SRPK2: variants seen among roughly 807,000 people sequenced by gnomAD.
SRPK2 encodes SRSF protein kinase 2.
In SRPK2, 21 loss-of-function variants were observed where a neutral mutation model predicts 90.8. The observed-to-expected ratio is 0.23, with a 90% confidence interval of 0.16 to 0.33. The LOEUF is 0.33. Among genes scored for constraint, SRPK2 ranks in the 10% least tolerant of loss-of-function variants. The pLI, the probability that SRPK2 is intolerant of heterozygous loss-of-function variation, is 1.00. For missense variants in SRPK2, 620 were observed against 869.0 expected, an observed-to-expected ratio of 0.71 and a Z score of 3.60; for synonymous variants, 288 against 311.1, an observed-to-expected ratio of 0.93 and a Z score of 0.78.
rs1048450198 is a variant in SRPK2, at chr7:105,367,795, T to C, written c.71+20853A>G. 3.5e-4 allele frequency among the ~76,000 whole-genome samples: 53 copies of C among 152,228 alleles called. 1 individual carries two copies. Among genetic ancestry groups the C allele is most frequent in the Non-Finnish European group, 6.9e-4 (47 of 68,040 alleles). ...CATGTTGGTAAATGATAAAACAGGCTAGCATCTACAAATATTTTAAGCATT... is the reference window on the plus strand; with the variant it reads ...CATGTTGGTAAATGATAAAACAGGCCAGCATCTACAAATATTTTAAGCATT... On this transcript the variant is annotated intron_variant, in intron 2 of 15. Coordinates refer to ENST00000393651, the MANE Select transcript of SRPK2 (RefSeq NM_182692.3).
At chr7:105,254,229 G>C (rs1802904387) in intron 2 of SRPK2, among the ~76,000 whole-genome samples, 1 of 152,156 alleles carries the variant, frequency 6.6e-6, no homozygotes, top group South Asian at 2.1e-4. Context: ...TTTTACTAGA[G>C]TAAAGACCTA....
chr7:105,392,705 C>G (rs1035458729), upstream of SRPK2, among the ~76,000 whole-genome samples: 38 of 151,878 alleles, frequency 2.5e-4, 1 homozygote. Flanking sequence ...ACCATGTTGG[C>G]CAGGCTGGTC....
chr7:105,161,176 T>G (rs1208265706), intron 6 of SRPK2, among the ~76,000 whole-genome samples: 2 of 152,252 alleles, frequency 1.3e-5, no homozygotes, highest in East Asian at 1.9e-4. Context: ...CCACCCGCCT[T>G]GGGCTCCCAA....
intron 2 of SRPK2, among the ~76,000 whole-genome samples, chr7:105,222,010 A>G (rs552098505): frequency 1.3e-5 from 2 of 152,312 alleles, no homozygotes; most frequent in East Asian, 3.9e-4. Flanking sequence ...ACACTGTAAA[A>G]TATCACTTTA....
chr7:105,201,182 A>T (rs1201667503), intron 3 of SRPK2, among the ~76,000 whole-genome samples: 3 of 152,240 alleles, frequency 2.0e-5, no homozygotes, highest in African/African-American at 7.2e-5. Context: ...CTCCCTGAAT[A>T]TGTATATGTC....
At chr7:105,229,288 C>A (rs988259976) in intron 2 of SRPK2, among the ~76,000 whole-genome samples, 1 of 152,038 alleles carries the variant, frequency 6.6e-6, no homozygotes, top group East Asian at 1.9e-4. Flanking sequence ...ACGGTGAAAC[C>A]CCATCTCTAA....
intron 2 of SRPK2, among the ~76,000 whole-genome samples, chr7:105,228,409 C>A (rs1230857886): frequency 6.6e-6 from 1 of 152,178 alleles, no homozygotes; most frequent in Non-Finnish European, 1.5e-5. Flanking sequence ...AGAGAAATTG[C>A]TGAAATTCCA....
rs1466223966 is a variant in SRPK2, at chr7:105,143,173, T to C, written c.971A>G (p.Asn324Ser). The change falls in exon 10 of 16, where the codon AAT (asparagine) becomes AGT (serine). Residue 324 changes from asparagine (N) to serine (S), a missense_variant. By Grantham distance (46) the Asn-to-Ser change is conservative. This residue lies in a region of SRPK2 where 243 missense variants were observed against 245.7 expected (regional missense o/e 0.99). Coordinates refer to ENST00000393651, the MANE Select transcript of SRPK2 (RefSeq NM_182692.3). ...EENITSAAPS[N>S]DQDGEYCPEV... The stretch of plus-strand genomic sequence containing the variant: ...TGGGCAGTATTCGCCATCCTGGTCA[T>C]TGGAAGGTGCAGCTGAGGTGATGTT... 3 of 1,614,136 alleles carry C rather than the reference T, an allele frequency of 1.9e-6. No individual in the cohort carries two copies. Among genetic ancestry groups the C allele is most frequent in the South Asian group, 2.2e-5 (2 of 91,090 alleles).
intron 2 of SRPK2, among the ~76,000 whole-genome samples, chr7:105,215,843 T>C (rs1009464576): frequency 2.0e-5 from 3 of 151,684 alleles, no homozygotes; most frequent in African/African-American, 7.3e-5. Flanking sequence ...GTACAGAAAA[T>C]AGGGGTGACT....
At chr7:105,119,880 A>T (rs186534944) in intron 15 of SRPK2, among the ~76,000 whole-genome samples, 3 of 152,360 alleles carry the variant, frequency 2.0e-5, no homozygotes, top group Admixed American at 6.5e-5. Context: ...GGTGGTTAAA[A>T]GAAAACCAAG....
At chr7:105,206,754 A>C (rs1796278986) in intron 2 of SRPK2, among the ~76,000 whole-genome samples, 2 of 152,208 alleles carry the variant, frequency 1.3e-5, no homozygotes, top group Non-Finnish European at 1.5e-5. Context: ...CTCAGTACCC[A>C]AAAAAGTAAA....
intron 2 of SRPK2, among the ~76,000 whole-genome samples, chr7:105,338,091 A>C (rs200192501): frequency 3.2e-5 from 4 of 123,566 alleles, no homozygotes; most frequent in African/African-American, 6.6e-5. Flanking sequence ...AAAAAAAAAA[A>C]AAACTTTTTC....
At chr7:105,385,762 T>C (rs1821504517) in intron 2 of SRPK2, among the ~76,000 whole-genome samples, 1 of 152,190 alleles carries the variant, frequency 6.6e-6, no homozygotes, top group Non-Finnish European at 1.5e-5. Context: ...TGTTACTTAC[T>C]TTTCCTGTGT....
At chr7:105,282,407 GA>G (rs1471635121) in intron 2 of SRPK2, among the ~76,000 whole-genome samples, 1 of 152,184 alleles carries the variant, frequency 6.6e-6, no homozygotes, top group African/African-American at 2.4e-5. Flanking sequence ...AACCTTAGAA[GA>G]GGCTACAGTT....
intron 2 of SRPK2, among the ~76,000 whole-genome samples, chr7:105,272,492 G>T (rs912127789): frequency 3.9e-5 from 6 of 151,990 alleles, no homozygotes; most frequent in Non-Finnish European, 5.9e-5. Flanking sequence ...ATTATAGGAG[G>T]ACATAAGTTT....
chr7:105,388,300 G>A (rs767412804), intron 2 of SRPK2, among the ~76,000 whole-genome samples: 9 of 151,222 alleles, frequency 6.0e-5, no homozygotes, highest in Non-Finnish European at 1.0e-4. Flanking sequence ...GGCCCCTTCC[G>A]GAAAGGGCCG....
At chr7:105,342,599 C>T (rs1481269347) in intron 2 of SRPK2, among the ~76,000 whole-genome samples, 1 of 152,082 alleles carries the variant, frequency 6.6e-6, no homozygotes, top group African/African-American at 2.4e-5. Flanking sequence ...GGTCTCACCT[C>T]CCAACACTCT....
chr7:105,367,462 C>T (rs1303514708), intron 2 of SRPK2, among the ~76,000 whole-genome samples: 4 of 151,928 alleles, frequency 2.6e-5, no homozygotes, highest in African/African-American at 7.3e-5. Context: ...GGGGTCTCAC[C>T]GTGTTGCCCA....
chr7:105,363,308 A>C (rs950307662), intron 2 of SRPK2, among the ~76,000 whole-genome samples: 1 of 152,298 alleles, frequency 6.6e-6, no homozygotes, highest in South Asian at 2.1e-4. Context: ...CAGAATCTAC[A>C]AAGAACTTAA....
Sources: allele counts gnomAD v4.1 joint callset (sites outside exome capture counted in the v4.1 genomes callset), GRCh38; gene constraint gnomAD v4.1.1; regional missense constraint gnomAD v4.1.1; transcripts MANE v1.5; gene names NCBI Gene and HGNC (gene_info 2026-07-23, HGNC 2026-07-21).